The following FEZ1 variants were observed in gnomAD, a reference collection of about 807,000 sequenced individuals.
FEZ1 encodes the protein fasciculation and elongation protein zeta 1, also known as fasciculation and elongation protein zeta-1.
FEZ1 carries 20 observed loss-of-function variants against 49.3 expected under a neutral mutation model. The observed-to-expected ratio is 0.41, with a 90% CI of 0.29 to 0.59. FEZ1 has a LOEUF of 0.59. Among genes scored for constraint, FEZ1 ranks in the 20% least tolerant of loss-of-function variants. The pLI is 0.36. For missense variants in FEZ1, 413 were observed against 476.0 expected, an observed-to-expected ratio of 0.87 and a Z score of 1.23; for synonymous variants, 170 against 180.9, an observed-to-expected ratio of 0.94 and a Z score of 0.48.
At chr11:125,462,355 G>A (rs1957083743) in intron 4 of FEZ1, among the ~76,000 whole-genome samples, 2 of 152,314 alleles carry the variant, frequency 1.3e-5, no homozygotes, top group African/African-American at 2.4e-5. Context: ...TGAATGCGAA[G>A]CACTCTATCT....
In FEZ1 at chr11:125,445,801, G is replaced by C. The variant is rs1956892900; in HGVS notation, c.*294C>G. 2.2e-6 allele frequency: 1 copy of C among 452,680 alleles called. No individual in the cohort carries two copies. The highest frequency in any genetic ancestry group is 4.1e-6 in the Non-Finnish European group (1 of 241,284). 28.0% of individuals were successfully genotyped at this position (452,680 alleles called of 1,614,324 possible). On this transcript the variant is annotated 3_prime_UTR_variant, in exon 10 of 10. Coordinates refer to ENST00000278919, the MANE Select transcript of FEZ1 (RefSeq NM_005103.5). This position sits in a 1 kb window ranked among gnomAD's most constrained non-coding sequence, Gnocchi z 4.4. ...AAAATTAGTCTTAAGAGTATAAGCTGTTTTTGAGGGCTGTAGCCAGACTAC... is the reference window on the plus strand; with the variant it reads ...AAAATTAGTCTTAAGAGTATAAGCTCTTTTTGAGGGCTGTAGCCAGACTAC...
At position 125,495,719 on chromosome 11, in the gene FEZ1, G is replaced by T. The variant is rs1276675443; in HGVS notation, c.-46+402C>A. ...ACCCACTGCCCCAGCGCGATCGGGC[G>T]GCGTTCCCTTCTTCCCCCAGCCCCC... On this transcript the variant is annotated intron_variant, in intron 1 of 9. Transcript: ENST00000278919. This position sits in a 1 kb window ranked among gnomAD's most constrained non-coding sequence, Gnocchi z 4.2. 5.8e-6 allele frequency: 2 copies of T among 346,512 alleles called. No individual in the cohort carries two copies. The highest frequency in any genetic ancestry group is 1.1e-5 in the Non-Finnish European group (2 of 177,698). The allele number at this position is 346,512 out of a possible 1,614,324, so 21.5% of individuals were successfully genotyped here. A position where few individuals can be genotyped will look rare whatever the true frequency, so the allele number is the denominator to read the frequency against.
chr11:125,463,184 T>C, intron 4 of FEZ1: 1 of 193,454 alleles, frequency 5.2e-6, no homozygotes, highest in South Asian at 1.1e-4. Context: ...TGCATGCCTG[T>C]AGTCCCAGCT....
At position 125,463,538 on chromosome 11, in the gene FEZ1, C is replaced by T; in HGVS notation, c.444G>A (p.Glu148=). ...IHEKEEEEFN[E]KSENDSGINE... Reference sequence around the variant, plus strand: ...TGATACCGGAATCATTTTCACTCTTCTCATTGAACTCTTCCTCTTCTTTCT... The same window carrying T: ...TGATACCGGAATCATTTTCACTCTTTTCATTGAACTCTTCCTCTTCTTTCT... The change falls in exon 4 of 10, where the codon GAG becomes GAA. Residue 148 remains glutamate, a synonymous_variant. Transcript: ENST00000278919. The T allele has an allele frequency of 6.2e-7, 1 of 1,611,258 alleles. No individual in the cohort carries two copies. The highest frequency in any genetic ancestry group is 8.5e-7 in the Non-Finnish European group (1 of 1,177,460).
intron 2 of FEZ1, among the ~76,000 whole-genome samples, chr11:125,486,998 C>A (rs759469454): frequency 6.6e-6 from 1 of 152,178 alleles, no homozygotes; most frequent in African/African-American, 2.4e-5. Context: ...CCAAATTATA[C>A]CTTATCTCGA....
chr11:125,456,843 T>C (rs1383029916), intron 5 of FEZ1, among the ~76,000 whole-genome samples: 1 of 152,240 alleles, frequency 6.6e-6, no homozygotes, highest in Admixed American at 6.5e-5. Flanking sequence ...TATATTTTCA[T>C]AGTTGAGATT....
chr11:125,462,898 C>A (rs931583962), intron 4 of FEZ1, among the ~76,000 whole-genome samples: 8 of 148,666 alleles, frequency 5.4e-5, no homozygotes, highest in Non-Finnish European at 1.2e-4. Context: ...TACTTAGGGG[C>A]CTGAGGCGGG....
chr11:125,487,442 T>C (rs1486221012), intron 2 of FEZ1, among the ~76,000 whole-genome samples: 1 of 152,168 alleles, frequency 6.6e-6, no homozygotes, highest in Non-Finnish European at 1.5e-5. Flanking sequence ...TTAGAATTCA[T>C]AGTCTTTGTA....
intron 3 of FEZ1, among the ~76,000 whole-genome samples, chr11:125,465,709 T>A (rs987773893): frequency 6.6e-6 from 1 of 152,154 alleles, no homozygotes; most frequent in African/African-American, 2.4e-5. Context: ...TCCCTCTATG[T>A]GCGGGTTACC....
chr11:125,482,776 C>A (rs965305970), intron 2 of FEZ1, among the ~76,000 whole-genome samples: 40 of 151,732 alleles, frequency 2.6e-4, no homozygotes, highest in Non-Finnish European at 4.0e-4. Context: ...TGAGACTGGC[C>A]AACATGGTGA....
intron 8 of FEZ1, among the ~76,000 whole-genome samples, chr11:125,451,216 A>G (rs1956951586): frequency 6.6e-6 from 1 of 152,240 alleles, no homozygotes; most frequent in African/African-American, 2.4e-5. Flanking sequence ...AAAAAAAAAG[A>G]AACTTAGTGC....
At chr11:125,475,535 A>T (rs1957223316) in intron 3 of FEZ1, among the ~76,000 whole-genome samples, 1 of 152,160 alleles carries the variant, frequency 6.6e-6, no homozygotes, top group East Asian at 1.9e-4. Flanking sequence ...TTAAATGATG[A>T]GAACAAATGG....
intron 4 of FEZ1, among the ~76,000 whole-genome samples, chr11:125,461,300 C>T (rs1236696620): frequency 1.3e-5 from 2 of 152,194 alleles, no homozygotes; most frequent in East Asian, 3.9e-4. Context: ...TAGATATCTG[C>T]CAAAAGGAAC....
intron 9 of FEZ1, among the ~76,000 whole-genome samples, chr11:125,446,382 G>C (rs1420451942): frequency 6.6e-6 from 1 of 152,200 alleles, no homozygotes; most frequent in Admixed American, 6.5e-5. Context: ...TTCCATGCTT[G>C]TTTCTTCATC....
chr11:125,467,038 T>C (rs1224029410), intron 3 of FEZ1, among the ~76,000 whole-genome samples: 1 of 25,178 alleles, frequency 4.0e-5, no homozygotes, highest in Non-Finnish European at 6.8e-5. Context: ...TGTGTCCCAT[T>C]TTTTTTTTTT....
chr11:125,460,437 C>G, intron 5 of FEZ1, 61 bp downstream of exon 5: 1 of 1,505,282 alleles, frequency 6.6e-7, no homozygotes, highest in South Asian at 1.2e-5. Flanking sequence ...AGCACACAGC[C>G]CAGAGCCTGG....
chr11:125,463,442 A>G, intron 4 of FEZ1, 42 bp downstream of exon 4: 1 of 1,222,186 alleles, frequency 8.2e-7, no homozygotes, highest in Non-Finnish European at 1.2e-6. Context: ...TTTCTCCATC[A>G]AAAGAACAAA....
At chr11:125,480,397 G>A (rs892311395) in intron 3 of FEZ1, among the ~76,000 whole-genome samples, 1 of 152,012 alleles carries the variant, frequency 6.6e-6, no homozygotes. Flanking sequence ...GAAAAAAAGA[G>A]AGACTTCTTC....
rs1215225459 is a variant in FEZ1 at position 125,489,685 on chromosome 11, A to G, written c.93T>C (p.Tyr31=). 4 of 1,613,902 alleles carry G rather than the reference A, an allele frequency of 2.5e-6. No homozygotes were observed. The South Asian group carries it at 3.3e-5, about 13-fold the overall frequency. ...EDPEEKPQCF[Y]GSSPHHLEDP... is the part of the protein sequence containing the mutation. ...CCTCGAGATGGTGGGGAGATGAACCATAGAAACACTGGGGCTTCTCCTCCG... is the reference window on the plus strand; with the variant it reads ...CCTCGAGATGGTGGGGAGATGAACCGTAGAAACACTGGGGCTTCTCCTCCG... Residue 31 remains tyrosine (Y), a synonymous_variant, in exon 2 of 10, where the codon TAT becomes TAC. Coordinates refer to ENST00000278919, the MANE Select transcript of FEZ1 (RefSeq NM_005103.5). This position sits in a 1 kb window ranked among gnomAD's most constrained non-coding sequence, Gnocchi z 4.2.
Sources: allele counts gnomAD v4.1 joint callset (sites outside exome capture counted in the v4.1 genomes callset), GRCh38; gene constraint gnomAD v4.1.1; non-coding constraint Gnocchi (gnomAD v3.1); transcripts MANE v1.5; gene names NCBI Gene and HGNC (gene_info 2026-07-23, HGNC 2026-07-21).